Variants in SETD2 observed in about 807,000 individuals in gnomAD.
SETD2 encodes histone-lysine N-methyltransferase SETD2.
SETD2 carries 31 observed loss-of-function variants against 242.1 expected under a neutral mutation model. That is an observed-to-expected ratio of 0.13 (90% CI 0.10 to 0.17). The LOEUF is 0.17. SETD2 is among the 10% of genes least tolerant of loss of function. The probability of loss-of-function intolerance (pLI) is 1.00; values close to 1 mark genes in which losing one functional copy is unlikely to be tolerated. For missense variants in SETD2, 2,481 were observed against 3,046.3 expected (o/e 0.81, Z 4.37); for synonymous variants, 1,006 against 1,066.5 (o/e 0.94, Z 1.11).
At chr3:47,162,716 C>T (rs527374809) in intron 1 of SETD2, among the ~76,000 whole-genome samples, 20 of 152,174 alleles carry the variant, frequency 1.3e-4, no homozygotes, top group Admixed American at 1.0e-3. Flanking sequence ...AAAAGTTTGA[C>T]AGTTTCATGT....
At chr3:47,073,740 A>T (rs961273364) in intron 12 of SETD2, among the ~76,000 whole-genome samples, 1 of 152,238 alleles carries the variant, frequency 6.6e-6, no homozygotes, top group African/African-American at 2.4e-5. Context: ...AAACAGAAAG[A>T]TGTTCAATAC....
At position 47,123,215 on chromosome 3, in the gene SETD2, G is replaced by A. The variant is rs2106698209; in HGVS notation, c.1421C>T (p.Ser474Leu). The A allele has an allele frequency of 1.3e-6, 2 of 1,572,668 alleles. No individual in the cohort carries two copies. Among genetic ancestry groups the A allele is most frequent in the South Asian group, 2.3e-5 (2 of 87,406 alleles). Residue 474 changes from serine to leucine, a missense_variant, in exon 3 of 21, where the codon TCA (serine) becomes TTA (leucine). Ser to Leu is a moderately radical substitution (Grantham distance 145, BLOSUM62 -2). Coordinates refer to ENST00000409792, the MANE Select transcript of SETD2 (RefSeq NM_014159.7). ...GTCTCTGTAAGAAGAGGAATGAGATGAGGTACGCCTTGAGTATGTCTTCTT... is the reference window on the plus strand; with the variant it reads ...GTCTCTGTAAGAAGAGGAATGAGATAAGGTACGCCTTGAGTATGTCTTCTT... The part of the protein sequence containing the change: ...EYKKTYSRRT[S>L]SHSSSYRDLR...
chr3:47,136,660 T>C (rs535985138), intron 1 of SETD2, among the ~76,000 whole-genome samples: 27 of 151,944 alleles, frequency 1.8e-4, no homozygotes, highest in African/African-American at 5.5e-4. Context: ...GGTTGAAAAA[T>C]TACCTAATGG....
intron 18 of SETD2, among the ~76,000 whole-genome samples, chr3:47,034,109 A>C (rs1166614367): frequency 6.6e-6 from 1 of 152,170 alleles, no homozygotes; most frequent in Non-Finnish European, 1.5e-5. Flanking sequence ...CACAACAGGA[A>C]ATACATTTGG....
At chr3:47,068,478 T>C (rs1222355838) in intron 12 of SETD2, among the ~76,000 whole-genome samples, 1 of 150,320 alleles carries the variant, frequency 6.7e-6, no homozygotes, top group Non-Finnish European at 1.5e-5. Context: ...ATGCTGAACA[T>C]TTCAAATACA....
chr3:47,105,933 A>G (rs760315423), intron 6 of SETD2, 64 bp downstream of exon 6: 63 of 1,400,198 alleles, frequency 4.5e-5, no homozygotes, highest in Non-Finnish European at 5.9e-5. Context: ...AAATCAAATC[A>G]GTATCAATGG....
intron 4 of SETD2, among the ~76,000 whole-genome samples, chr3:47,114,425 G>C (rs1231294530): frequency 1.3e-5 from 2 of 152,104 alleles, no homozygotes; most frequent in African/African-American, 2.4e-5. Context: ...CTACAATTGA[G>C]AAAATCTAAA....
chr3:47,044,047 A>G (rs1219634646), intron 16 of SETD2, among the ~76,000 whole-genome samples: 1 of 152,134 alleles, frequency 6.6e-6, no homozygotes, highest in African/African-American at 2.4e-5. Flanking sequence ...TGTTTGTATT[A>G]AAAATGCCTA....
chr3:47,047,629 T>C (rs1005369400), intron 15 of SETD2, among the ~76,000 whole-genome samples: 7 of 152,306 alleles, frequency 4.6e-5, no homozygotes, highest in South Asian at 2.1e-4. Flanking sequence ...ATCTAGCAGG[T>C]TTCTGAATGA....
chr3:47,120,125 T>A, intron 3 of SETD2, 57 bp downstream of exon 3: 1 of 1,361,458 alleles, frequency 7.3e-7, no homozygotes, highest in South Asian at 1.5e-5. Context: ...TTTAAAGGCT[T>A]TTTCTAACAA....
In SETD2 at chr3:47,147,656, G is replaced by A. The variant is rs976418872; in HGVS notation, c.71+16198C>T. On this transcript the variant is annotated intron_variant, in intron 1 of 20. Coordinates refer to ENST00000409792, the MANE Select transcript of SETD2 (RefSeq NM_014159.7). The stretch of plus-strand genomic sequence containing the variant: ...GATAGTTTCTAGGCCGGGCGCGGTG[G>A]CTCACTCCTGTAATCCCAGCACTTT... Among the ~76,000 whole-genome samples the A allele has an allele frequency of 2.7e-5, 4 of 150,702 alleles. No individual in the cohort carries two copies. In the South Asian group the frequency reaches 8.7e-4, roughly 33 times the overall value.
At chr3:47,128,696 G>C (rs962083799) in intron 1 of SETD2, among the ~76,000 whole-genome samples, 1 of 152,142 alleles carries the variant, frequency 6.6e-6, no homozygotes, top group South Asian at 2.1e-4. Flanking sequence ...TAAATGTGAT[G>C]TTAGCACTAC....
intron 7 of SETD2, among the ~76,000 whole-genome samples, 193 bp downstream of exon 7, chr3:47,103,153 G>T (rs911362303): frequency 6.6e-6 from 1 of 151,906 alleles, no homozygotes; most frequent in Non-Finnish European, 1.5e-5. Context: ...CTGATATATG[G>T]GTGTAGTCAA....
At chr3:47,097,819 CTCT>C (rs1442742837) in intron 9 of SETD2, 133 bp downstream of exon 9, 1 of 770,346 alleles carries the variant, frequency 1.3e-6, no homozygotes, top group African/African-American at 1.8e-5. Context: ...GCAATTGCAT[CTCT>C]TTTCTGGTAA....
At chr3:47,142,981 T>A (rs556206287) in intron 1 of SETD2, among the ~76,000 whole-genome samples, 5 of 152,198 alleles carry the variant, frequency 3.3e-5, no homozygotes, top group African/African-American at 1.2e-4. Context: ...ATTGGCTTCT[T>A]ATTTTCAAAA....
At chr3:47,109,723 C>T (rs1370204179) in intron 5 of SETD2, among the ~76,000 whole-genome samples, 2 of 152,002 alleles carry the variant, frequency 1.3e-5, no homozygotes, top group Non-Finnish European at 2.9e-5. Flanking sequence ...CGGTGGCTTA[C>T]CCCTGTAATT....
chr3:47,077,246 G>A, intron 12 of SETD2, among the ~76,000 whole-genome samples: 1 of 152,202 alleles, frequency 6.6e-6, no homozygotes, highest in South Asian at 2.1e-4. Flanking sequence ...ATCGTGCCCG[G>A]CTAATTTTTG....
chr3:47,158,686 CAGTTA>C (rs1410966718), intron 1 of SETD2, among the ~76,000 whole-genome samples: 1 of 152,066 alleles, frequency 6.6e-6, no homozygotes, highest in African/African-American at 2.4e-5. Flanking sequence ...ATCCTAGTAG[CAGTTA>C]AGTTTTGAGG....
At chr3:47,052,536 G>T (rs2039890736) in intron 15 of SETD2, among the ~76,000 whole-genome samples, 1 of 152,130 alleles carries the variant, frequency 6.6e-6, no homozygotes, top group Non-Finnish European at 1.5e-5. Flanking sequence ...CACAAATGTG[G>T]CCAGGCATGG....
Sources: gnomAD v4.1 joint callset for allele counts (sites outside exome capture counted in the v4.1 genomes callset) on GRCh38, gnomAD v4.1.1 for gene constraint, MANE v1.5 for transcripts, NCBI Gene and HGNC (gene_info 2026-07-23, HGNC 2026-07-21) for gene names.